CDKAL1: variants seen among roughly 807,000 people sequenced by gnomAD.
CDKAL1 encodes the protein threonylcarbamoyladenosine tRNA methylthiotransferase.
In CDKAL1, 32 loss-of-function variants were observed where a neutral mutation model predicts 68.2. The ratio of observed to expected loss-of-function variants is 0.47; its 90% confidence interval spans 0.35 to 0.63. The LOEUF (loss-of-function observed/expected upper bound fraction) is 0.63, where lower values mean the gene tolerates loss of function less well. CDKAL1 is among the 30% of genes least tolerant of loss of function. The probability of loss-of-function intolerance (pLI) is 0.00; values close to 1 mark genes in which losing one functional copy is unlikely to be tolerated. For synonymous variants in CDKAL1, 234 were observed against 244.3 expected (o/e 0.96, Z 0.39); for missense variants, 606 against 696.7 (o/e 0.87, Z 1.47).
intron 15 of CDKAL1, among the ~76,000 whole-genome samples, chr6:21,212,938 A>G (rs1582428998): frequency 6.6e-6 from 1 of 152,160 alleles, no homozygotes; most frequent in Non-Finnish European, 1.5e-5. Flanking sequence ...AAGATGTAGC[A>G]CCTTGCAAAT....
At chr6:20,643,029 C>T (rs1243166299) in intron 4 of CDKAL1, among the ~76,000 whole-genome samples, 2 of 152,164 alleles carry the variant, frequency 1.3e-5, no homozygotes, top group Non-Finnish European at 2.9e-5. Flanking sequence ...TCTGATATCC[C>T]AACTTTGGCA....
chr6:20,914,352 C>T (rs1182665151), intron 9 of CDKAL1, among the ~76,000 whole-genome samples: 2 of 152,152 alleles, frequency 1.3e-5, no homozygotes, highest in Non-Finnish European at 2.9e-5. Flanking sequence ...TCAGAAAGGT[C>T]TTGCCTGTCC....
intron 9 of CDKAL1, among the ~76,000 whole-genome samples, chr6:20,888,453 T>C (rs1228748077): frequency 1.3e-5 from 2 of 150,738 alleles, no homozygotes; most frequent in African/African-American, 2.4e-5. Context: ...ATGTGCCATG[T>C]TGGTGTACTG....
intron 9 of CDKAL1, among the ~76,000 whole-genome samples, chr6:20,866,469 A>G (rs1302050207): frequency 6.6e-6 from 1 of 152,142 alleles, no homozygotes; most frequent in Non-Finnish European, 1.5e-5. Flanking sequence ...AGACACAAAA[A>G]CTATTAAGAC....
At position 20,743,893 on chromosome 6, in the gene CDKAL1, A is replaced by G. The variant is rs114448917; in HGVS notation, c.468+4278A>G. On this transcript the variant is annotated intron_variant, in intron 6 of 15. Transcript: ENST00000274695. ...TTGAAAACATGTATGTCTTGAATAAAAAGTTTTAGCCAAAATCTTTTTCAC... is the reference window on the plus strand; with the variant it reads ...TTGAAAACATGTATGTCTTGAATAAGAAGTTTTAGCCAAAATCTTTTTCAC... Among the ~76,000 whole-genome samples, 868 of 152,338 alleles carry G rather than the reference A, an allele frequency of 5.7e-3. 11 individuals are homozygous for G. The highest frequency in any genetic ancestry group is 0.019 in the African/African-American group (801 of 41,586).
chr6:20,645,003 A>G (rs959716455), intron 4 of CDKAL1, among the ~76,000 whole-genome samples: 12 of 152,222 alleles, frequency 7.9e-5, no homozygotes, highest in African/African-American at 2.9e-4. Context: ...ACACACCTGT[A>G]CAGCATATTG....
chr6:20,595,621 C>G (rs1361583438), intron 4 of CDKAL1, among the ~76,000 whole-genome samples: 1 of 152,018 alleles, frequency 6.6e-6, no homozygotes, highest in African/African-American at 2.4e-5. Flanking sequence ...TTAGAACATG[C>G]TCCTTTAGCT....
At chr6:20,555,490 T>A (rs1763998877) in intron 4 of CDKAL1, among the ~76,000 whole-genome samples, 1 of 151,512 alleles carries the variant, frequency 6.6e-6, no homozygotes, top group East Asian at 1.9e-4. Context: ...TCAGCTAATT[T>A]TTGAATTTTT....
At chr6:20,827,005 G>T (rs919283107) in intron 8 of CDKAL1, among the ~76,000 whole-genome samples, 1 of 152,014 alleles carries the variant, frequency 6.6e-6, no homozygotes, top group Non-Finnish European at 1.5e-5. Flanking sequence ...CTAGCACAGT[G>T]GCTCATAGTT....
intron 5 of CDKAL1, among the ~76,000 whole-genome samples, chr6:20,684,252 G>A (rs925964761): frequency 1.3e-5 from 2 of 152,280 alleles, no homozygotes; most frequent in East Asian, 1.9e-4. Context: ...GACCAGCCTG[G>A]CCAACATGGC....
intron 9 of CDKAL1, among the ~76,000 whole-genome samples, chr6:20,920,505 C>T (rs1428378749): frequency 6.6e-6 from 1 of 152,102 alleles, no homozygotes; most frequent in Non-Finnish European, 1.5e-5. Context: ...CAATACTATT[C>T]TTTGATTCCC....
At chr6:20,555,080 C>A (rs1373246956) in intron 4 of CDKAL1, among the ~76,000 whole-genome samples, 1 of 152,088 alleles carries the variant, frequency 6.6e-6, no homozygotes, top group Non-Finnish European at 1.5e-5. Flanking sequence ...ATTCATTTGG[C>A]AAACATTCTC....
chr6:20,924,694 C>G (rs1023840623), intron 9 of CDKAL1, among the ~76,000 whole-genome samples: 4 of 152,170 alleles, frequency 2.6e-5, no homozygotes, highest in Non-Finnish European at 5.9e-5. Flanking sequence ...TTGAAGCTAG[C>G]AGAGGTTGAT....
chr6:21,232,248 C>G lies in CDKAL1; in HGVS notation c.*1209C>G, dbSNP rs1011679423. On this transcript the variant is annotated 3_prime_UTR_variant, in exon 16 of 16. Coordinates refer to ENST00000274695, the MANE Select transcript of CDKAL1 (RefSeq NM_017774.3). ...CCTGGAACTCCTAGCCTCAAGCAGT[C>G]TTCTTGCCTCAGCCTCCCAAAGTGC... 7.2e-5 allele frequency: 11 copies of G among 152,370 alleles called. No homozygotes were observed. The highest frequency in any genetic ancestry group is 7.2e-4 in the Admixed American group (11 of 15,304). The allele number at this position is 152,370 out of a possible 1,614,324, so 9.4% of individuals were successfully genotyped here.
intron 13 of CDKAL1, among the ~76,000 whole-genome samples, chr6:21,129,682 CAAAAAAAAAA>C (rs34802727): frequency 0.023 from 1,559 of 69,086 alleles, 47 homozygotes; most frequent in African/African-American, 0.08. Context: ...TGCAGTTTAC[CAAAAAAAAAA>C]AAAAAAAAAA....
rs71540611 is a variant in CDKAL1 at position 21,072,554 on chromosome 6, C to CAAAA, written c.1236+7349_1236+7352dup. Among the ~76,000 whole-genome samples, 22 of 44,474 alleles carry CAAAA rather than the reference C, an allele frequency of 4.9e-4. 7 individuals carry two copies. The highest frequency in any genetic ancestry group is 1.4e-3 in the African/African-American group (17 of 11,788). The allele number at this position is 44,474 out of a possible 152,430, so 29.2% of individuals were successfully genotyped here. ...TGGGCGACTGAGCGAGACTCCGTCTCAAAAAAAAAAAAAAAAAAAAAAAAA... is the reference window on the plus strand; with the variant it reads ...TGGGCGACTGAGCGAGACTCCGTCTCAAAAAAAAAAAAAAAAAAAAAAAAAAAAA... On this transcript the variant is annotated intron_variant, in intron 12 of 15. Coordinates refer to ENST00000274695, the MANE Select transcript of CDKAL1 (RefSeq NM_017774.3).
intron 15 of CDKAL1, among the ~76,000 whole-genome samples, chr6:21,205,224 T>C (rs756373217): frequency 1.3e-5 from 2 of 152,254 alleles, no homozygotes; most frequent in African/African-American, 2.4e-5. Flanking sequence ...AGGTTGCTTC[T>C]ACCATTTGGC....
At chr6:20,721,086 T>C (rs565071412) in intron 5 of CDKAL1, among the ~76,000 whole-genome samples, 77 of 152,120 alleles carry the variant, frequency 5.1e-4, no homozygotes, top group Admixed American at 2.0e-4. Context: ...ACATTAGGTA[T>C]ATCTCCTAGT....
chr6:20,640,372 T>C (rs543621252), intron 4 of CDKAL1, among the ~76,000 whole-genome samples: 1 of 152,348 alleles, frequency 6.6e-6, no homozygotes, highest in East Asian at 1.9e-4. Context: ...TTTGTTCTCC[T>C]GAATAGTGTT....
Sources: gnomAD v4.1 joint callset for allele counts (sites outside exome capture counted in the v4.1 genomes callset) on GRCh38, gnomAD v4.1.1 for gene constraint, MANE v1.5 for transcripts, NCBI Gene and HGNC (gene_info 2026-07-23, HGNC 2026-07-21) for gene names.